Variants in UTRN observed in about 807,000 individuals in gnomAD.
UTRN encodes the protein utrophin, also known as dystrophin-related protein 1.
UTRN carries 283 observed loss-of-function variants against 463.9 expected under a neutral mutation model. The observed-to-expected ratio is 0.61, with a 90% CI of 0.55 to 0.67. The LOEUF is 0.67. Among genes scored for constraint, UTRN ranks in the 30% least tolerant of loss-of-function variants. UTRN has a pLI of 0.00. For synonymous variants in UTRN, 1,442 were observed against 1,431.5 expected (o/e 1.01, Z -0.17); for missense variants, 3,922 against 4,084.3 (o/e 0.96, Z 1.08).
Position 144,291,730 on chromosome 6 carries a change from C to T in UTRN, c.-92-7C>T. 1 of 929,606 alleles carries T rather than the reference C, an allele frequency of 1.1e-6. No individual in the cohort carries two copies. The highest frequency in any genetic ancestry group is 1.6e-6 in the Non-Finnish European group (1 of 632,822). The allele number at this position is 929,606 out of a possible 1,614,324, so 57.6% of individuals were successfully genotyped here. On this transcript the variant is annotated splice_polypyrimidine_tract_variant and splice_region_variant and intron_variant, in intron 1 of 74. Transcript: ENST00000367545. ...TTTCAAGTCAGTACTTTCCCTTTTC[C>T]TTTTAGGTATTGATGTCAAGCTGAA...
rs1219481651 is a variant in UTRN at position 144,678,194 on chromosome 6, T to C, written c.7480-212T>C. ...ATATGGAACCAAAAAAGAGCCTGTA[T>C]AGCCAAGACAATCCTAAGCAAAAAG... On this transcript the variant is annotated intron_variant, in intron 51 of 74. Coordinates refer to ENST00000367545, the MANE Select transcript of UTRN (RefSeq NM_007124.3). Among the ~76,000 whole-genome samples the C allele has an allele frequency of 2.0e-5, 3 of 152,178 alleles. No individual in the cohort carries two copies. In the South Asian group the frequency reaches 6.2e-4, roughly 32 times the overall value.
At chr6:144,468,475 C>T (rs1161903122) in intron 23 of UTRN, among the ~76,000 whole-genome samples, 1 of 151,248 alleles carries the variant, frequency 6.6e-6, no homozygotes, top group Non-Finnish European at 1.5e-5. Flanking sequence ...ATGGCTGCCC[C>T]AGATTAGTAC....
chr6:144,843,823 T>G (rs1372019708), intron 73 of UTRN, among the ~76,000 whole-genome samples: 1 of 152,236 alleles, frequency 6.6e-6, no homozygotes, highest in East Asian at 1.9e-4. Flanking sequence ...TAAAATACCC[T>G]TAGCCTTCTA....
chr6:144,631,674 G>T (rs556635924), intron 51 of UTRN, among the ~76,000 whole-genome samples: 1 of 152,078 alleles, frequency 6.6e-6, no homozygotes, highest in Non-Finnish European at 1.5e-5. Context: ...ATTTCATTTT[G>T]TCTACTGTGG....
At chr6:144,782,218 T>C (rs1054054496) in intron 61 of UTRN, 95 bp downstream of exon 61, 4 of 1,073,952 alleles carry the variant, frequency 3.7e-6, no homozygotes, top group Non-Finnish European at 5.2e-6. Flanking sequence ...TAATAAGTGC[T>C]TTCAAATTAC....
intron 65 of UTRN, among the ~76,000 whole-genome samples, chr6:144,818,071 A>G (rs529561635): frequency 5.9e-4 from 90 of 152,246 alleles, no homozygotes; most frequent in Non-Finnish European, 1.1e-3. Context: ...TTGAACTGGC[A>G]CTTTTGAATA....
Position 144,781,995 on chromosome 6 carries a change from C to T in UTRN, c.8706C>T (p.Leu2902=). ...QHKLNQNDQL[L]SVPDVINCLT... ...AGTTGAACCAAAATGACCAGCTCCT[C>T]AGTGTTCCAGATGTCATCAACTGTC... The change falls in exon 61 of 75, where the codon CTC becomes CTT. Residue 2902 remains leucine, a synonymous_variant. Coordinates refer to ENST00000367545, the MANE Select transcript of UTRN (RefSeq NM_007124.3). 1.9e-6 allele frequency: 3 copies of T among 1,614,050 alleles called. No homozygotes were observed. Among genetic ancestry groups the T allele is most frequent in the Non-Finnish European group, 2.5e-6 (3 of 1,179,974 alleles).
chr6:144,470,440 G>T (rs1404438991), intron 23 of UTRN, among the ~76,000 whole-genome samples: 2 of 152,070 alleles, frequency 1.3e-5, no homozygotes, highest in Non-Finnish European at 2.9e-5. Context: ...GTCGCGGCCG[G>T]GCAGAGGCGC....
chr6:144,482,127 C>A, intron 26 of UTRN, 82 bp from the exon 27 acceptor site: 1 of 1,290,636 alleles, frequency 7.7e-7, no homozygotes, highest in Non-Finnish European at 1.0e-6. Context: ...TGGTTTAATT[C>A]TTGAAAAAAA....
At position 144,461,220 on chromosome 6, in the gene UTRN, G is replaced by A; in HGVS notation, c.2731G>A (p.Ala911Thr). ...AGAACTGAAGGGCCAACCTGGACAT[G>A]CATATCTGGAAACATTGAAAACACT... ...ENELKGQPGH[A>T]YLETLKTLKD... Residue 911 changes from alanine (A) to threonine (T), a missense_variant, in exon 22 of 75, where the codon GCA (alanine) becomes ACA (threonine). Coordinates refer to ENST00000367545, the MANE Select transcript of UTRN (RefSeq NM_007124.3). 6.3e-7 allele frequency: 1 copy of A among 1,597,208 alleles called. No individual in the cohort carries two copies. Among genetic ancestry groups the A allele is most frequent in the Non-Finnish European group, 8.5e-7 (1 of 1,171,486 alleles).
At chr6:144,543,485 C>T (rs1230963247) in intron 46 of UTRN, among the ~76,000 whole-genome samples, 2 of 152,206 alleles carry the variant, frequency 1.3e-5, no homozygotes, top group Non-Finnish European at 2.9e-5. Context: ...AACCATCATG[C>T]CCTGCTCTTC....
intron 63 of UTRN, 152 bp downstream of exon 63, chr6:144,794,143 AT>A (rs1284148845): frequency 8.1e-6 from 9 of 1,117,018 alleles, no homozygotes; most frequent in Non-Finnish European, 1.1e-5. Context: ...CCTAAGGCTC[AT>A]TTGCTTCAAA....
intron 2 of UTRN, among the ~76,000 whole-genome samples, chr6:144,301,041 C>G (rs1805197498): frequency 6.6e-6 from 1 of 151,682 alleles, no homozygotes; most frequent in Admixed American, 6.6e-5. Flanking sequence ...CTGGACTTAC[C>G]CTAAAGCCCA....
chr6:144,800,214 A>G (rs1378178615), intron 64 of UTRN, among the ~76,000 whole-genome samples: 1 of 152,224 alleles, frequency 6.6e-6, no homozygotes, highest in African/African-American at 2.4e-5. Flanking sequence ...AATGACCTTT[A>G]AAGTTTCATT....
At chr6:144,728,222 T>G (rs1788115356) in intron 53 of UTRN, among the ~76,000 whole-genome samples, 1 of 152,152 alleles carries the variant, frequency 6.6e-6, no homozygotes, top group African/African-American at 2.4e-5. Flanking sequence ...CTGCTGGTTT[T>G]CACTATTTTT....
chr6:144,817,159 A>G (rs1779160648), intron 65 of UTRN, among the ~76,000 whole-genome samples: 1 of 152,190 alleles, frequency 6.6e-6, no homozygotes, highest in South Asian at 2.1e-4. Context: ...TTAGGCTTCA[A>G]AAACCTGATG....
At chr6:144,479,751 A>C in intron 25 of UTRN, 61 bp from the exon 26 acceptor site, 5 of 1,533,466 alleles carry the variant, frequency 3.3e-6, no homozygotes, top group Non-Finnish European at 4.4e-6. Flanking sequence ...ATTAAGAGCT[A>C]AAACTTGACA....
chr6:144,773,979 A>G (rs1182962084), intron 59 of UTRN, among the ~76,000 whole-genome samples: 1 of 152,106 alleles, frequency 6.6e-6, no homozygotes, highest in Non-Finnish European at 1.5e-5. Context: ...GGTCAGAGAG[A>G]CCTTACTACT....
Position 144,505,503 on chromosome 6 carries a change from G to A in UTRN, c.4765-5441G>A, listed in dbSNP as rs559293601. Among the ~76,000 whole-genome samples, 41 of 152,200 alleles carry A rather than the reference G, an allele frequency of 2.7e-4. 1 individual carries two copies. Among genetic ancestry groups the A allele is most frequent in the African/African-American group, 2.9e-4 (12 of 41,528 alleles). The stretch of plus-strand genomic sequence containing the variant: ...ACTTCTTTACTTCTGCCTTAATTTC[G>A]TTATTTACCCAGAAGTCATTCAGGA... On this transcript the variant is annotated intron_variant, in intron 34 of 74. Coordinates refer to ENST00000367545, the MANE Select transcript of UTRN (RefSeq NM_007124.3).
Sources: allele counts gnomAD v4.1 joint callset (sites outside exome capture counted in the v4.1 genomes callset), GRCh38; gene constraint gnomAD v4.1.1; transcripts MANE v1.5; gene names NCBI Gene and HGNC (gene_info 2026-07-23, HGNC 2026-07-21).